Variants in LIPJ observed in about 807,000 individuals in gnomAD.
LIPJ encodes the protein lipase family member J.
Under a neutral mutation model 39.8 loss-of-function variants are expected in LIPJ, and 33 were observed. The observed-to-expected ratio is 0.83, with a 90% CI of 0.63 to 1.11. LIPJ has a LOEUF of 1.11. Among genes scored for constraint, LIPJ ranks in the 50% least tolerant of loss-of-function variants. The pLI, the probability that LIPJ is intolerant of heterozygous loss-of-function variation, is 0.00. For synonymous variants in LIPJ, 128 were observed against 139.2 expected, an observed-to-expected ratio of 0.92 and a Z score of 0.57; for missense variants, 422 against 427.9, an observed-to-expected ratio of 0.99 and a Z score of 0.12.
intron 9 of LIPJ, among the ~76,000 whole-genome samples, chr10:88,604,328 T>TA (rs1306798214): frequency 2.6e-5 from 4 of 152,180 alleles, no homozygotes; most frequent in Non-Finnish European, 5.9e-5. Context: ...GTGAAGTGAG[T>TA]AGGCACTGCA....
chr10:88,591,537 GC>G, intron 4 of LIPJ, 39 bp downstream of exon 4: 2 of 1,555,962 alleles, frequency 1.3e-6, no homozygotes, highest in South Asian at 2.4e-5. Context: ...ACAATCTGGG[GC>G]CTGAAGTTCT....
chr10:88,590,554 A>T, intron 2 of LIPJ, 31 bp from the exon 3 acceptor site: 2 of 662,670 alleles, frequency 3.0e-6, no homozygotes, highest in Non-Finnish European at 5.4e-6. Flanking sequence ...CTGCAATTTT[A>T]ACTGTATAAA....
chr10:88,606,930 A>G, exon 11 of LIPJ: 2 of 1,453,188 alleles, frequency 1.4e-6, no homozygotes, highest in Non-Finnish European at 1.8e-6. Flanking sequence ...CTGTGTGTTT[A>G]AAGATCTACA....
the LIPJ span, among the ~76,000 whole-genome samples, chr10:88,613,307 TA>T: frequency 6.6e-6 from 1 of 152,138 alleles, no homozygotes; most frequent in Non-Finnish European, 1.5e-5. Flanking sequence ...GGAACTATTG[TA>T]ACTATTCCTG....
chr10:88,622,587 C>T, the LIPJ span, among the ~76,000 whole-genome samples: 1 of 152,104 alleles, frequency 6.6e-6, no homozygotes. Context: ...ACAGTACTGA[C>T]CCAGGGACCA....
chr10:88,584,027 AAAAC>A (rs1564926816), upstream of LIPJ: 1 of 152,264 alleles, frequency 6.6e-6, no homozygotes, highest in Non-Finnish European at 1.5e-5. Context: ...GAACTATTAA[AAAAC>A]AAATAATTAA....
chr10:88,611,602 T>C (rs1851753352), downstream of LIPJ, among the ~76,000 whole-genome samples: 1 of 152,040 alleles, frequency 6.6e-6, no homozygotes, highest in Admixed American at 6.6e-5. Flanking sequence ...AAGGACACAC[T>C]TAGAGAAATG....
chr10:88,606,058 T>C (rs1851654940), intron 10 of LIPJ, among the ~76,000 whole-genome samples: 1 of 152,174 alleles, frequency 6.6e-6, no homozygotes, highest in African/African-American at 2.4e-5. Flanking sequence ...TAAAACCAGT[T>C]ATTCTATTTG....
chr10:88,611,600 A>C (rs1564942693), downstream of LIPJ, among the ~76,000 whole-genome samples: 1 of 152,354 alleles, frequency 6.6e-6, no homozygotes, highest in African/African-American at 2.4e-5. Context: ...TCAAGGACAC[A>C]CTTAGAGAAA....
intron 5 of LIPJ, 54 bp downstream of exon 5, chr10:88,594,198 T>A (rs1022224467): frequency 3.0e-5 from 39 of 1,319,270 alleles, no homozygotes; most frequent in Non-Finnish European, 4.0e-5. Flanking sequence ...AAATTTTTCA[T>A]TTTGAATGCA....
the LIPJ span, among the ~76,000 whole-genome samples, chr10:88,619,453 C>CCACACACACACACACACACAGACACA: frequency 3.4e-5 from 5 of 147,050 alleles, no homozygotes; most frequent in Admixed American, 2.0e-4. Context: ...CCCCCTCTTG[C>CCACACACACACACACACACAGACACA]CACACACACA....
chr10:88,594,746 T>C, exon 6 of LIPJ: 1 of 1,555,144 alleles, frequency 6.4e-7, no homozygotes, highest in Non-Finnish European at 8.7e-7. Context: ...GGAAATATTT[T>C]ATGTAGGCCA....
the LIPJ span, among the ~76,000 whole-genome samples, chr10:88,613,105 G>C: frequency 2.0e-5 from 3 of 152,244 alleles, no homozygotes; most frequent in East Asian, 3.9e-4. Context: ...AGAAGCTAGC[G>C]TAGTTGCAGG....
At chr10:88,598,003 T>C (rs1851321204) in intron 8 of LIPJ, among the ~76,000 whole-genome samples, 1 of 152,010 alleles carries the variant, frequency 6.6e-6, no homozygotes, top group Non-Finnish European at 1.5e-5. Flanking sequence ...ACTCTGGTTT[T>C]CTAGCCTCCA....
At chr10:88,619,399 GA>G in the LIPJ span, among the ~76,000 whole-genome samples, 3 of 148,998 alleles carry the variant, frequency 2.0e-5, no homozygotes, top group Admixed American at 1.3e-4. Flanking sequence ...CCAAATAATA[GA>G]AAAAATAATT....
In LIPJ at chr10:88,605,668, G is replaced by A. The variant is rs1373509795; in HGVS notation, c.831G>A (p.Trp277Ter). Residue 277 changes from tryptophan (W) to a stop codon, truncating the protein, a stop_gained, in exon 10 of 11, where the codon TGG becomes TGA. Coordinates refer to ENST00000371939, the Ensembl canonical transcript of LIPJ. LOFTEE classifies it low-confidence loss of function (END_TRUNC). ...CTACTCATTTGAAAGCTTATGACTG[G>A]GGCAGTCCTGATCTGAACTTGGTTC... 1.2e-6 allele frequency: 2 copies of A among 1,611,634 alleles called. No homozygotes were observed. Among genetic ancestry groups the A allele is most frequent in the African/African-American group, 2.7e-5 (2 of 74,798 alleles).
chr10:88,608,800 A>T (rs541606832), downstream of LIPJ, among the ~76,000 whole-genome samples: 1 of 152,362 alleles, frequency 6.6e-6, no homozygotes, highest in African/African-American at 2.4e-5. Context: ...CCTAGAACTA[A>T]ATCAAATGGA....
intron 10 of LIPJ, 32 bp downstream of exon 10, chr10:88,605,736 T>TA (rs1564940261): frequency 7.0e-7 from 1 of 1,423,332 alleles, no homozygotes; most frequent in Admixed American, 1.7e-5. Context: ...CTCTCTACCT[T>TA]ACTGACTTTT....
At chr10:88,594,222 T>G in intron 5 of LIPJ, 78 bp downstream of exon 5, 1 of 1,036,828 alleles carries the variant, frequency 9.6e-7, no homozygotes, top group East Asian at 2.6e-5. Flanking sequence ...AAATAAAATT[T>G]AGGTCTTACT....
Sources: gnomAD v4.1 joint callset for allele counts (sites outside exome capture counted in the v4.1 genomes callset) on GRCh38, gnomAD v4.1.1 for gene constraint, MANE v1.5 for transcripts, NCBI Gene and HGNC (gene_info 2026-07-23, HGNC 2026-07-21) for gene names.